RDX: variants seen among roughly 807,000 people sequenced by gnomAD.
RDX encodes deafness, autosomal recessive 24.
RDX carries 32 observed loss-of-function variants against 83.7 expected under a neutral mutation model. The ratio of observed to expected loss-of-function variants is 0.38; its 90% CI spans 0.29 to 0.51. The LOEUF (loss-of-function observed/expected upper bound fraction) is 0.51, where lower values mean the gene tolerates loss of function less well. RDX is among the 20% of genes least tolerant of loss of function. The pLI is 0.87. For missense variants in RDX, 600 were observed against 689.9 expected, an observed-to-expected ratio of 0.87 and a Z score of 1.46; for synonymous variants, 229 against 222.7, an observed-to-expected ratio of 1.03 and a Z score of -0.25.
chr11:110,237,262 C>T (rs2134312161), intron 11 of RDX, among the ~76,000 whole-genome samples: 1 of 152,060 alleles, frequency 6.6e-6, no homozygotes, highest in East Asian at 1.9e-4. Context: ...CAGTAGACTC[C>T]ATTTACAAAT....
chr11:110,218,096 A>G (rs932875848), intron 14 of RDX, among the ~76,000 whole-genome samples: 1 of 152,212 alleles, frequency 6.6e-6, no homozygotes, highest in Admixed American at 6.5e-5. Flanking sequence ...TACTAGGCAT[A>G]ATCTCAGTGA....
At chr11:110,176,880 C>T (rs1001123376) in intron 15 of RDX, among the ~76,000 whole-genome samples, 1 of 152,176 alleles carries the variant, frequency 6.6e-6, no homozygotes, top group African/African-American at 2.4e-5. Flanking sequence ...GTAGCAGTAT[C>T]ACCAGGCCCT....
intron 2 of RDX, among the ~76,000 whole-genome samples, chr11:110,275,810 C>T (rs892995070): frequency 1.6e-5 from 2 of 122,026 alleles, no homozygotes; most frequent in Non-Finnish European, 3.3e-5. Flanking sequence ...TTTGAGAAAG[C>T]ATCTCACTCT....
At chr11:110,257,250 G>A (rs1359746530) in intron 7 of RDX, among the ~76,000 whole-genome samples, 1 of 151,738 alleles carries the variant, frequency 6.6e-6, no homozygotes, top group Admixed American at 6.6e-5. Context: ...TATAATTACA[G>A]TGTTCAATAT....
intron 15 of RDX, among the ~76,000 whole-genome samples, chr11:110,187,590 G>A (rs1171067220): frequency 6.6e-6 from 1 of 152,204 alleles, no homozygotes; most frequent in Non-Finnish European, 1.5e-5. Flanking sequence ...CAGAGAACTT[G>A]GAGCTGAGAA....
intron 15 of RDX, among the ~76,000 whole-genome samples, chr11:110,183,934 T>C (rs1862936280): frequency 6.6e-6 from 1 of 152,206 alleles, no homozygotes; most frequent in African/African-American, 2.4e-5. Context: ...GTGCTTTGTG[T>C]TGGGAGGGCT....
intron 14 of RDX, among the ~76,000 whole-genome samples, chr11:110,217,074 C>T (rs916518150): frequency 3.3e-5 from 5 of 152,164 alleles, no homozygotes; most frequent in Non-Finnish European, 5.9e-5. Context: ...ATCTGTCTGG[C>T]ATTTGCATCT....
At chr11:110,262,563 G>A (rs745717050) in intron 5 of RDX, among the ~76,000 whole-genome samples, 4 of 150,340 alleles carry the variant, frequency 2.7e-5, no homozygotes, top group Non-Finnish European at 1.5e-5. Flanking sequence ...ACTCCAGCCT[G>A]GGCAACAGAG....
At chr11:110,174,971 A>C (rs888667479) in exon 16 of RDX, 4 of 152,244 alleles carry the variant, frequency 2.6e-5, no homozygotes, top group Admixed American at 6.5e-5. Context: ...ACACACCTTC[A>C]TCACTCTGCT....
chr11:110,192,457 A>C (rs1247882955), intron 15 of RDX, among the ~76,000 whole-genome samples: 3 of 152,204 alleles, frequency 2.0e-5, no homozygotes, highest in Non-Finnish European at 4.4e-5. Flanking sequence ...TGGCCCTAGC[A>C]AAGAATTTAT....
chr11:110,282,792 AAC>A (rs1238916625), intron 1 of RDX, among the ~76,000 whole-genome samples: 2 of 152,196 alleles, frequency 1.3e-5, no homozygotes, highest in African/African-American at 4.8e-5. Flanking sequence ...CAGCCTGGGT[AAC>A]ACAGACAGAT....
intron 7 of RDX, among the ~76,000 whole-genome samples, chr11:110,257,291 T>C (rs971631835): frequency 2.6e-5 from 4 of 152,008 alleles, no homozygotes; most frequent in Non-Finnish European, 1.5e-5. Flanking sequence ...ATTGTATTAA[T>C]GTCCAAACAT....
chr11:110,252,766 C>A (rs1005805026), intron 9 of RDX, among the ~76,000 whole-genome samples: 4 of 138,466 alleles, frequency 2.9e-5, no homozygotes, highest in Admixed American at 1.5e-4. Context: ...AAGTAACAAT[C>A]CAACTCATTA....
At chr11:110,232,587 T>C (rs1305496447) in intron 13 of RDX, among the ~76,000 whole-genome samples, 1 of 152,142 alleles carries the variant, frequency 6.6e-6, no homozygotes, top group Non-Finnish European at 1.5e-5. Flanking sequence ...TTAAACATAG[T>C]ATATTAACTA....
intron 3 of RDX, among the ~76,000 whole-genome samples, chr11:110,266,475 G>GTTT (rs1191559279): frequency 6.6e-6 from 1 of 152,020 alleles, no homozygotes. Context: ...ATCCAGGGGA[G>GTTT]GTAAAAGTTC....
intron 14 of RDX, among the ~76,000 whole-genome samples, chr11:110,216,519 C>T (rs1272311012): frequency 2.7e-5 from 4 of 146,642 alleles, no homozygotes; most frequent in South Asian, 2.2e-4. Flanking sequence ...ACTACAGGTG[C>T]GCTACCACAC....
At chr11:110,275,780 T>C (rs987898361) in intron 2 of RDX, among the ~76,000 whole-genome samples, 4 of 136,206 alleles carry the variant, frequency 2.9e-5, no homozygotes, top group African/African-American at 1.1e-4. Flanking sequence ...TTTTTTACCA[T>C]CCTTTTTTTT....
rs185918105 is a variant in RDX at position 110,269,701 on chromosome 11, C to T, written c.96+2835G>A. ...AAGCAGTCAGGAAATAGAACAGGGA[C>T]TAAAGAACTGCTGAGAAGAGTCCAT... is the stretch of plus-strand genomic sequence containing the variant. On this transcript the variant is annotated intron_variant, in intron 3 of 13. Coordinates refer to ENST00000645495, the MANE Select transcript of RDX (RefSeq NM_002906.4). 1.0e-3 allele frequency among the ~76,000 whole-genome samples: 152 copies of T among 152,202 alleles called. 1 individual carries two copies. Among genetic ancestry groups the T allele is most frequent in the African/African-American group, 3.3e-3 (139 of 41,524 alleles).
At chr11:110,240,432 T>C (rs1031597028) in intron 10 of RDX, among the ~76,000 whole-genome samples, 5 of 152,164 alleles carry the variant, frequency 3.3e-5, no homozygotes, top group African/African-American at 9.6e-5. Context: ...TTATTACTAC[T>C]GAACTGTATA....
Sources: gnomAD v4.1 joint callset for allele counts (sites outside exome capture counted in the v4.1 genomes callset) on GRCh38, gnomAD v4.1.1 for gene constraint, MANE v1.5 for transcripts, NCBI Gene and HGNC (gene_info 2026-07-23, HGNC 2026-07-21) for gene names.